The following FAM185A variants were observed in gnomAD, a reference collection of about 807,000 sequenced individuals.
FAM185A encodes family with sequence similarity 185 member A.
FAM185A carries 21 observed loss-of-function variants against 45.7 expected under a neutral mutation model. The observed-to-expected ratio is 0.46, with a 90% CI of 0.33 to 0.66. The LOEUF is 0.66. Ranked by LOEUF, FAM185A falls within the 30% of genes least tolerant of loss-of-function variation. The pLI, the probability that FAM185A is intolerant of heterozygous loss-of-function variation, is 0.03. For synonymous variants in FAM185A, 117 were observed against 194.0 expected (o/e 0.60, Z 3.30); for missense variants, 305 against 485.4 (o/e 0.63, Z 3.49).
chr7:102,776,592 T>G (rs1453271988), intron 5 of FAM185A, among the ~76,000 whole-genome samples: 3 of 151,002 alleles, frequency 2.0e-5, no homozygotes, highest in Non-Finnish European at 4.4e-5. Flanking sequence ...TTCTGCCCCT[T>G]AAAGAAATGC....
intron 6 of FAM185A, among the ~76,000 whole-genome samples, chr7:102,785,571 C>T (rs377143343): frequency 6.6e-6 from 1 of 151,430 alleles, no homozygotes; most frequent in East Asian, 1.9e-4. Context: ...CAAAAACAAG[C>T]AATGGGGAAA....
At chr7:102,816,647 C>T in the FAM185A span, among the ~76,000 whole-genome samples, 1 of 152,126 alleles carries the variant, frequency 6.6e-6, no homozygotes, top group East Asian at 1.9e-4. Context: ...AGGGTGTACA[C>T]GTGCAGGTTT....
rs1210270333 is a variant in FAM185A, at chr7:102,808,891, TG to T, written c.*490del. 6.4e-6 allele frequency: 1 copy of T among 157,346 alleles called. No individual in the cohort carries two copies. Among genetic ancestry groups the T allele is most frequent in the Non-Finnish European group, 1.4e-5 (1 of 71,224 alleles). The allele number at this position is 157,346 out of a possible 1,614,324, so 9.7% of individuals were successfully genotyped here. ...CCCTCCATCTTCAAGCCAGCAGTGA[TG>T]CGCTGAGTTCTTCTCATGCTTTGAA... On this transcript the variant is annotated 3_prime_UTR_variant, in exon 8 of 8. Transcript: ENST00000413034.
intron 4 of FAM185A, among the ~76,000 whole-genome samples, chr7:102,765,306 G>A (rs1794321997): frequency 6.6e-6 from 1 of 152,132 alleles, no homozygotes; most frequent in Non-Finnish European, 1.5e-5. Flanking sequence ...CATTTATCGT[G>A]CTTTATGACT....
intron 6 of FAM185A, among the ~76,000 whole-genome samples, chr7:102,780,375 C>G (rs937830167): frequency 2.6e-5 from 4 of 152,042 alleles, no homozygotes; most frequent in Admixed American, 2.6e-4. Flanking sequence ...GATTCCATAC[C>G]TAACAGAGTA....
At chr7:102,799,709 C>T (rs142252938) in intron 7 of FAM185A, among the ~76,000 whole-genome samples, 138 of 152,240 alleles carry the variant, frequency 9.1e-4, no homozygotes, top group African/African-American at 2.6e-3. Context: ...CATATCTAAA[C>T]GAAGGCTTGT....
Position 102,749,016 on chromosome 7 carries a change from A to G in FAM185A, c.-192A>G, listed in dbSNP as rs1793158340. On this transcript the variant is annotated 5_prime_UTR_variant, in exon 1 of 8. Transcript: ENST00000413034. Reference sequence around the variant, plus strand: ...CAGAGTTTAGAGCTTTCAAATCCCAACTTGCCCCTGGGGATTGCGCGGCTG... The same window carrying G: ...CAGAGTTTAGAGCTTTCAAATCCCAGCTTGCCCCTGGGGATTGCGCGGCTG... 1 of 897,586 alleles carries G rather than the reference A, an allele frequency of 1.1e-6. No homozygotes were observed. Among genetic ancestry groups the G allele is most frequent in the African/African-American group, 1.6e-5 (1 of 60,904 alleles). The allele number at this position is 897,586 out of a possible 1,614,324, so 55.6% of individuals were successfully genotyped here. A position where few individuals can be genotyped will look rare whatever the true frequency, so the allele number is the denominator to read the frequency against.
downstream of FAM185A, among the ~76,000 whole-genome samples, chr7:102,814,094 GTCTT>G (rs569520730): frequency 1.6e-3 from 249 of 152,272 alleles, 1 homozygote; most frequent in African/African-American, 5.5e-3. Flanking sequence ...TACTGTTATA[GTCTT>G]TCTTAGCAGG....
the FAM185A span, among the ~76,000 whole-genome samples, chr7:102,834,094 G>GGA: frequency 0.029 from 2,465 of 86,468 alleles, 109 homozygotes; most frequent in East Asian, 0.073. Flanking sequence ...AGAAAAGAAA[G>GGA]AAAGAAAGAA....
chr7:102,770,157 G>A (rs1375413346), intron 4 of FAM185A, among the ~76,000 whole-genome samples: 1 of 152,038 alleles, frequency 6.6e-6, no homozygotes, highest in Non-Finnish European at 1.5e-5. Flanking sequence ...CTTTTTTGGT[G>A]TAGGATAGTC....
the FAM185A span, among the ~76,000 whole-genome samples, chr7:102,844,938 G>C: frequency 6.6e-6 from 1 of 152,158 alleles, no homozygotes; most frequent in Admixed American, 6.5e-5. Flanking sequence ...GGATACCAAT[G>C]AACAGCCAGA....
the FAM185A span, among the ~76,000 whole-genome samples, chr7:102,843,387 G>A: frequency 4.3e-3 from 658 of 152,180 alleles, 6 homozygotes; most frequent in African/African-American, 0.015. Context: ...AGGTTGCAGT[G>A]AGCCAACATC....
At chr7:102,779,254 G>C (rs1024913947) in intron 6 of FAM185A, among the ~76,000 whole-genome samples, 14 of 152,158 alleles carry the variant, frequency 9.2e-5, no homozygotes, top group Non-Finnish European at 1.5e-5. Context: ...TTCTAAAAAA[G>C]TTAGTGTTAA....
chr7:102,812,470 C>CT (rs554590370), downstream of FAM185A, among the ~76,000 whole-genome samples: 203 of 152,256 alleles, frequency 1.3e-3, no homozygotes, highest in Admixed American at 2.3e-3. Context: ...TTGCCCCTGA[C>CT]TAAGTCAAAT....
At chr7:102,832,842 T>TGC in the FAM185A span, 1 of 1,614,174 alleles carries the variant, frequency 6.2e-7, no homozygotes, top group Non-Finnish European at 8.5e-7. Flanking sequence ...GCACATACCT[T>TGC]TGGACAGCCA....
At chr7:102,805,812 G>C (rs967509586) in intron 7 of FAM185A, among the ~76,000 whole-genome samples, 1 of 152,138 alleles carries the variant, frequency 6.6e-6, no homozygotes, top group Admixed American at 6.5e-5. Flanking sequence ...AGAAGCAGGG[G>C]GGCTGCAGGT....
At chr7:102,789,740 A>T (rs1796038958) in intron 7 of FAM185A, among the ~76,000 whole-genome samples, 1 of 152,198 alleles carries the variant, frequency 6.6e-6, no homozygotes, top group Admixed American at 6.5e-5. Context: ...AAACTTTTTG[A>T]CTCTTTTGTA....
the FAM185A span, among the ~76,000 whole-genome samples, chr7:102,831,088 G>C: frequency 6.6e-6 from 1 of 152,062 alleles, no homozygotes; most frequent in East Asian, 1.9e-4. Context: ...TTTCATCTTG[G>C]GCTAGTCAGG....
the FAM185A span, among the ~76,000 whole-genome samples, chr7:102,829,439 C>A: frequency 6.6e-6 from 1 of 152,198 alleles, no homozygotes; most frequent in Non-Finnish European, 1.5e-5. Context: ...CTCAGAGGTG[C>A]ATTGCAGAGA....
Sources: allele counts gnomAD v4.1 joint callset (sites outside exome capture counted in the v4.1 genomes callset), GRCh38; gene constraint gnomAD v4.1.1; transcripts MANE v1.5; gene names NCBI Gene and HGNC (gene_info 2026-07-23, HGNC 2026-07-21).